Variants in FNTA observed in about 807,000 individuals in gnomAD.
FNTA encodes the protein farnesyltransferase, CAAX box, subunit alpha.
Under a neutral mutation model 55.2 loss-of-function variants are expected in FNTA, and 27 were observed. The ratio of observed to expected loss-of-function variants is 0.49; its 90% CI spans 0.36 to 0.67. The LOEUF (loss-of-function observed/expected upper bound fraction) is 0.67, where lower values mean the gene tolerates loss of function less well. Among genes scored for constraint, FNTA ranks in the 30% least tolerant of loss-of-function variants. The pLI, the probability that FNTA is intolerant of heterozygous loss-of-function variation, is 0.00. For synonymous variants in FNTA, 176 were observed against 170.7 expected (o/e 1.03, Z -0.24); for missense variants, 422 against 464.7 (o/e 0.91, Z 0.85).
intron 7 of FNTA, among the ~76,000 whole-genome samples, chr8:43,084,072 GA>G (rs796564498): frequency 7.8e-4 from 105 of 133,860 alleles, no homozygotes; most frequent in Admixed American, 9.8e-4. Flanking sequence ...CTGTCTCAAA[GA>G]AAAAAAAAAA....
chr8:43,068,873 C>T (rs1321115442), intron 3 of FNTA, among the ~76,000 whole-genome samples: 3 of 151,974 alleles, frequency 2.0e-5, no homozygotes, highest in Non-Finnish European at 2.9e-5. Context: ...CCACCTCGCC[C>T]AACTGATTTT....
At chr8:43,083,659 A>T (rs567793274) in intron 7 of FNTA, among the ~76,000 whole-genome samples, 1 of 152,358 alleles carries the variant, frequency 6.6e-6, no homozygotes, top group South Asian at 2.1e-4. Context: ...GTTGAACATA[A>T]GAGGTCTTCA....
In FNTA at chr8:43,085,490, G is replaced by C; in HGVS notation, c.*208G>C. 1.9e-6 allele frequency: 1 copy of C among 534,644 alleles called. No individual in the cohort carries two copies. Among genetic ancestry groups the C allele is most frequent in the East Asian group, 3.5e-5 (1 of 28,898 alleles). 33.1% of individuals were successfully genotyped at this position (534,644 alleles called of 1,614,324 possible). On this transcript the variant is annotated 3_prime_UTR_variant, in exon 9 of 9. Coordinates refer to ENST00000302279, the MANE Select transcript of FNTA (RefSeq NM_002027.3). ...TGATTCTTCTAAAGCAAAGTCATTGGATGGGAGGAGGAAGAAAAAGTCCCA... is the reference window on the plus strand; with the variant it reads ...TGATTCTTCTAAAGCAAAGTCATTGCATGGGAGGAGGAAGAAAAAGTCCCA...
intron 3 of FNTA, among the ~76,000 whole-genome samples, chr8:43,065,550 G>T (rs1810636273): frequency 6.8e-6 from 1 of 146,188 alleles, no homozygotes; most frequent in Non-Finnish European, 1.5e-5. Context: ...CACGGCTGCT[G>T]ACCCACATTT....
chr8:43,078,452 G>A (rs1389375960), intron 6 of FNTA: 2 of 151,836 alleles, frequency 1.3e-5, no homozygotes, highest in African/African-American at 2.4e-5. Flanking sequence ...GTGTCTCCGT[G>A]TCACATTTTG....
At chr8:43,083,058 A>C (rs546557659) in intron 6 of FNTA, 60 bp from the exon 7 acceptor site, 12 of 1,090,740 alleles carry the variant, frequency 1.1e-5, no homozygotes, top group East Asian at 2.5e-5. Context: ...AAAAAAAAAA[A>C]AACTGTGTCT....
chr8:43,069,241 C>T (rs1026304830), intron 3 of FNTA, among the ~76,000 whole-genome samples: 3 of 151,340 alleles, frequency 2.0e-5, no homozygotes, highest in African/African-American at 4.9e-5. Flanking sequence ...TCAGCCTCCC[C>T]GAGCAGCTGG....
intron 5 of FNTA, among the ~76,000 whole-genome samples, chr8:43,074,385 C>T (rs1586659124): frequency 1.3e-5 from 2 of 152,042 alleles, no homozygotes; most frequent in South Asian, 2.1e-4. Context: ...ATGAGACGAG[C>T]GTAGTGGCGC....
Position 43,056,701 on chromosome 8 carries a change from G to A in FNTA, c.200+155G>A, listed in dbSNP as rs182427026. 2.4e-3 allele frequency: 759 copies of A among 312,696 alleles called. 8 individuals are homozygous for A. Among genetic ancestry groups the A allele is most frequent in the African/African-American group, 0.015 (699 of 45,222 alleles). 19.4% of individuals were successfully genotyped at this position (312,696 alleles called of 1,614,324 possible). A position where few individuals can be genotyped will look rare whatever the true frequency, so the allele number is the denominator to read the frequency against. Reference sequence around the variant, plus strand: ...TGGCGCTGGGCCCGGGCGGCTGCCGGGACGTCGCCGCTTCCCAGGGCGGCG... The same window carrying A: ...TGGCGCTGGGCCCGGGCGGCTGCCGAGACGTCGCCGCTTCCCAGGGCGGCG... On this transcript the variant is annotated intron_variant, in intron 1 of 8. Coordinates refer to ENST00000302279, the MANE Select transcript of FNTA (RefSeq NM_002027.3).
chr8:43,074,001 T>C (rs900306388), intron 5 of FNTA, among the ~76,000 whole-genome samples: 1 of 152,202 alleles, frequency 6.6e-6, no homozygotes, highest in African/African-American at 2.4e-5. Flanking sequence ...CTAAAAAATA[T>C]TTCATGACAT....
intron 4 of FNTA, among the ~76,000 whole-genome samples, chr8:43,070,641 C>T (rs552798813): frequency 5.1e-4 from 78 of 152,324 alleles, no homozygotes; most frequent in African/African-American, 1.8e-3. Context: ...ATGTAAAACA[C>T]AAAACCACTC....
chr8:43,083,676 CTA>C (rs982145430), intron 7 of FNTA, among the ~76,000 whole-genome samples: 2 of 152,178 alleles, frequency 1.3e-5, no homozygotes, highest in Non-Finnish European at 2.9e-5. Context: ...TTCAAGGAAA[CTA>C]GGCTCAAAGA....
intron 2 of FNTA, among the ~76,000 whole-genome samples, chr8:43,062,732 A>C (rs1019963025): frequency 3.3e-5 from 5 of 152,234 alleles, no homozygotes; most frequent in African/African-American, 1.2e-4. Flanking sequence ...ATACTTCGAC[A>C]CCAAATGTTT....
At chr8:43,068,083 G>A (rs1170734773) in intron 3 of FNTA, among the ~76,000 whole-genome samples, 1 of 152,082 alleles carries the variant, frequency 6.6e-6, no homozygotes, top group Non-Finnish European at 1.5e-5. Context: ...TGTATTTTTA[G>A]TAGAGATGGT....
chr8:43,069,964 A>G (rs1391584508), intron 4 of FNTA: 27 of 204,296 alleles, frequency 1.3e-4, no homozygotes, highest in Non-Finnish European at 1.1e-4. Flanking sequence ...TTTAAAAACT[A>G]CCACTGTAGC....
chr8:43,077,421 A>G (rs947855641), intron 6 of FNTA, 57 bp downstream of exon 6: 4 of 1,429,530 alleles, frequency 2.8e-6, no homozygotes, highest in Non-Finnish European at 3.9e-6. Context: ...TGCCTACCAT[A>G]TCTCAGGCAC....
At chr8:43,058,606 C>T (rs776211481) in intron 1 of FNTA, among the ~76,000 whole-genome samples, 2 of 151,958 alleles carry the variant, frequency 1.3e-5, no homozygotes, top group South Asian at 2.1e-4. Flanking sequence ...CCCATCTCTA[C>T]TAAAAATACA....
In FNTA at chr8:43,083,188, G is replaced by A. The variant is rs760188540; in HGVS notation, c.845+8G>A. ...ATGGAACTATTTGAAAGGGTAAGAG[G>A]TTGTTTTTGCTTTTTTTATATATAA... is the stretch of plus-strand genomic sequence containing the variant. On this transcript the variant is annotated splice_region_variant and intron_variant, in intron 7 of 8. Transcript: ENST00000302279. 9 of 1,563,912 alleles carry A rather than the reference G, an allele frequency of 5.8e-6. No homozygotes were observed. Among genetic ancestry groups the A allele is most frequent in the Non-Finnish European group, 4.3e-6 (5 of 1,154,362 alleles).
At chr8:43,063,980 G>C in intron 2 of FNTA, 121 bp from the exon 3 acceptor site, 2 of 656,820 alleles carry the variant, frequency 3.0e-6, no homozygotes, top group Non-Finnish European at 5.2e-6. Flanking sequence ...ACTTTATTTT[G>C]CTTGTTGGTA....
Sources: gnomAD v4.1 joint callset for allele counts (sites outside exome capture counted in the v4.1 genomes callset) on GRCh38, gnomAD v4.1.1 for gene constraint, MANE v1.5 for transcripts, NCBI Gene and HGNC (gene_info 2026-07-23, HGNC 2026-07-21) for gene names.